Variants in LRRC56 observed in about 807,000 individuals in gnomAD.
LRRC56 encodes leucine rich repeat containing 56.
Under a neutral mutation model 47.8 loss-of-function variants are expected in LRRC56, and 41 were observed. That is an observed-to-expected ratio of 0.86 (90% CI 0.67 to 1.11). LRRC56 has a LOEUF of 1.11. LRRC56 is among the 50% of genes most tolerant of loss of function. The probability of loss-of-function intolerance (pLI) is 0.00; values close to 1 mark genes in which losing one functional copy is unlikely to be tolerated. For missense variants in LRRC56, 759 were observed against 704.2 expected (o/e 1.08, Z -0.88); for synonymous variants, 387 against 311.2 (o/e 1.24, Z -2.56).
At chr11:549,399 C>T (rs1035181759) in intron 6 of LRRC56, among the ~76,000 whole-genome samples, 1 of 152,178 alleles carries the variant, frequency 6.6e-6, no homozygotes, top group Non-Finnish European at 1.5e-5. Flanking sequence ...CAACCTGTCC[C>T]TGCACACATC....
upstream of LRRC56, among the ~76,000 whole-genome samples, chr11:532,975 G>A (rs774752239): frequency 3.9e-5 from 6 of 152,228 alleles, no homozygotes; most frequent in Non-Finnish European, 7.3e-5. Context: ...AGGTCAGGGT[G>A]GCCCGGGGCC....
At chr11:534,947 G>A (rs901170833), upstream of LRRC56, among the ~76,000 whole-genome samples, 9 of 152,256 alleles carry the variant, frequency 5.9e-5, no homozygotes, top group Admixed American at 1.3e-4. Flanking sequence ...GAGCTCCTGG[G>A]AAGCAGGGAC....
chr11:531,935 G>A, the LRRC56 span, among the ~76,000 whole-genome samples: 82 of 152,326 alleles, frequency 5.4e-4, no homozygotes, highest in South Asian at 6.8e-3. Context: ...CAGAGCCACC[G>A]GCACAGATCC....
At chr11:547,075 C>CTGGGCT (rs1364451939) in intron 6 of LRRC56, among the ~76,000 whole-genome samples, 11 of 151,212 alleles carry the variant, frequency 7.3e-5, no homozygotes, top group Non-Finnish European at 1.3e-4. Context: ...AAAAAATTAG[C>CTGGGCT]TGGGCTTGGG....
chr11:513,196 C>T, the LRRC56 span, among the ~76,000 whole-genome samples: 33,275 of 152,186 alleles, frequency 0.22, 3,856 homozygotes, highest in Middle Eastern at 0.3. Context: ...TTGAATATCA[C>T]GCAGGCTGGA....
Position 552,107 on chromosome 11 carries a change from G to A in LRRC56, c.1056G>A (p.Glu352=), listed in dbSNP as rs1199250228. The A allele has an allele frequency of 6.2e-6, 10 of 1,611,164 alleles. No homozygotes were observed. The African/African-American group carries it at 8.0e-5, about 13-fold the overall frequency. The change falls in exon 12 of 14, where the codon GAG becomes GAA. Residue 352 remains glutamate (E), a synonymous_variant. Coordinates refer to ENST00000270115, the MANE Select transcript of LRRC56 (RefSeq NM_198075.4). ...CTCCCCAGGCCAGGGAGCCCCCCGA[G>A]CAGCTGCCCCAACACAGGCCAGGAG... ...RHQCQAREPP[E]QLPQHRPGDP...
At chr11:515,817 G>A in the LRRC56 span, among the ~76,000 whole-genome samples, 2 of 152,154 alleles carry the variant, frequency 1.3e-5, no homozygotes, top group Middle Eastern at 3.2e-3. Context: ...CAACCTGGGC[G>A]AGAGAGTGAG....
Position 537,527 on chromosome 11 carries a change from G to A in LRRC56, c.-500G>A, listed in dbSNP as rs1036081745. 4 of 152,324 alleles carry A rather than the reference G, an allele frequency of 2.6e-5. No homozygotes were observed. Among genetic ancestry groups the A allele is most frequent in the African/African-American group, 9.6e-5 (4 of 41,468 alleles). The allele number at this position is 152,324 out of a possible 1,614,324, so 9.4% of individuals were successfully genotyped here. On this transcript the variant is annotated 5_prime_UTR_variant, in exon 1 of 14. Transcript: ENST00000270115. ...CCCGCGGCGGCCGGAAGAACAGCCT[G>A]GAGTAGGAGACAGCGCCTGGAGGTG... is the stretch of plus-strand genomic sequence containing the variant.
At chr11:534,510 G>C (rs1851335670), upstream of LRRC56, 3 of 605,760 alleles carry the variant, frequency 5.0e-6, no homozygotes, top group African/African-American at 1.8e-5. Context: ...GGACTGCAGC[G>C]TGCCTACCTG....
chr11:511,873 G>C, the LRRC56 span, among the ~76,000 whole-genome samples: 1 of 152,184 alleles, frequency 6.6e-6, no homozygotes, highest in Non-Finnish European at 1.5e-5. Flanking sequence ...CACAGACAAG[G>C]CGCTGGAGGG....
rs752363538 is a variant in LRRC56, at chr11:551,234, C to G, written c.728C>G (p.Pro243Arg). ...PAAHTGPPAP[P>R]RLSQDWLAVK... ...GCACACACAGGCCCACCGGCCCCCC[C>G]GCGGCTGAGCCAGGACTGGCTTGCG... The change falls in exon 9 of 14, where the codon CCG becomes CGG. Residue 243 changes from proline (P) to arginine (R), a missense_variant. Physicochemically the swap from Pro to Arg is moderately radical, Grantham distance 103 (BLOSUM62 -2). Coordinates refer to ENST00000270115, the MANE Select transcript of LRRC56 (RefSeq NM_198075.4). 4.8e-5 allele frequency: 75 copies of G among 1,546,816 alleles called. No homozygotes were observed. The highest frequency in any genetic ancestry group is 1.7e-4 in the Middle Eastern group (1 of 6,000).
At chr11:509,673 G>T in the LRRC56 span, among the ~76,000 whole-genome samples, 1 of 151,436 alleles carries the variant, frequency 6.6e-6, no homozygotes. Context: ...TCAGCCTCCC[G>T]AGTAGCTGGG....
the LRRC56 span, among the ~76,000 whole-genome samples, chr11:520,266 C>G: frequency 1.1e-4 from 15 of 137,208 alleles, no homozygotes; most frequent in East Asian, 2.1e-4. Context: ...TAGAACGCGG[C>G]CTGATACACA....
chr11:525,379 AAC>A, the LRRC56 span, among the ~76,000 whole-genome samples: 5 of 151,872 alleles, frequency 3.3e-5, no homozygotes. Flanking sequence ...CTCTACTAAA[AAC>A]ACAAAAAATT....
the LRRC56 span, among the ~76,000 whole-genome samples, chr11:520,759 G>A: frequency 2.6e-5 from 4 of 152,126 alleles, no homozygotes; most frequent in East Asian, 3.9e-4. Context: ...GGCCTCTGCC[G>A]CCTGAGTTCT....
chr11:537,322 C>T (rs970132303), upstream of LRRC56: 4 of 152,342 alleles, frequency 2.6e-5, no homozygotes, highest in Middle Eastern at 3.4e-3. Context: ...GCGTCACCTT[C>T]CCCTGGGATC....
rs1163722357 is a variant in LRRC56, at chr11:554,109, G to A, written c.1462G>A (p.Gly488Ser). ...RLRVLGSWGP[G>S]LGDGVAAVPV... ...CCGAGTCCTGGGCAGCTGGGGGCCT[G>A]GCCTGGGTGATGGGGTGGCTGCAGT... Residue 488 changes from glycine to serine, a missense_variant, in exon 14 of 14, where the codon GGC becomes AGC. By Grantham distance (56) the Gly-to-Ser change is moderately conservative. Transcript: ENST00000270115. 6.2e-7 allele frequency: 1 copy of A among 1,606,066 alleles called. No homozygotes were observed. Among genetic ancestry groups the A allele is most frequent in the East Asian group, 2.2e-5 (1 of 44,814 alleles).
the LRRC56 span, among the ~76,000 whole-genome samples, chr11:530,953 G>A: frequency 2.2e-5 from 1 of 46,250 alleles, no homozygotes; most frequent in Non-Finnish European, 4.0e-5. Context: ...AGAAGGGGGA[G>A]TGTGGCGTCC....
rs561548247 is a variant in LRRC56 at position 549,352 on chromosome 11, G to A, written c.327-550G>A. ...GGGGACAGCGCATGGTGAAGTCACT[G>A]TGGCTACAGTGGGAACAGGGTGGGC... On this transcript the variant is annotated intron_variant, in intron 6 of 13. Coordinates refer to ENST00000270115, the MANE Select transcript of LRRC56 (RefSeq NM_198075.4). Among the ~76,000 whole-genome samples, 6 of 152,224 alleles carry A rather than the reference G, an allele frequency of 3.9e-5. No individual in the cohort carries two copies. The East Asian group carries it at 1.2e-3, about 29-fold the overall frequency.
Sources: gnomAD v4.1 joint callset for allele counts (sites outside exome capture counted in the v4.1 genomes callset) on GRCh38, gnomAD v4.1.1 for gene constraint, MANE v1.5 for transcripts, NCBI Gene and HGNC (gene_info 2026-07-23, HGNC 2026-07-21) for gene names.